The following GRM5 variants were observed in gnomAD, a reference collection of about 807,000 sequenced individuals.
The protein encoded by GRM5 is metabotropic glutamate receptor 5.
In GRM5, 19 loss-of-function variants were observed where a neutral mutation model predicts 83.1. That is an observed-to-expected ratio of 0.23 (90% CI 0.16 to 0.34). The LOEUF is 0.34. GRM5 is among the 10% of genes least tolerant of loss of function. The probability of loss-of-function intolerance (pLI) is 1.00; values close to 1 mark genes in which losing one functional copy is unlikely to be tolerated. For synonymous variants in GRM5, 675 were observed against 633.6 expected (o/e 1.07, Z -0.98); for missense variants, 1,160 against 1,588.3 (o/e 0.73, Z 4.58).
intron 4 of GRM5, among the ~76,000 whole-genome samples, chr11:88,633,489 A>C (rs1266305657): frequency 6.6e-6 from 1 of 152,154 alleles, no homozygotes; most frequent in East Asian, 1.9e-4. Flanking sequence ...TTTAGGTTTC[A>C]CATTTATATC....
At chr11:88,593,612 A>G (rs1009112130) in intron 6 of GRM5, among the ~76,000 whole-genome samples, 97 of 149,478 alleles carry the variant, frequency 6.5e-4, no homozygotes, top group African/African-American at 2.2e-3. Flanking sequence ...CGGGAGGCGG[A>G]GGTTGCAGTG....
At chr11:88,540,997 G>T (rs560401039) in intron 8 of GRM5, among the ~76,000 whole-genome samples, 1 of 151,896 alleles carries the variant, frequency 6.6e-6, no homozygotes, top group Admixed American at 6.6e-5. Context: ...TGATCCGCCC[G>T]CCTCGGCTTC....
intron 3 of GRM5, among the ~76,000 whole-genome samples, chr11:88,682,237 C>T (rs1361870933): frequency 6.6e-6 from 1 of 152,182 alleles, no homozygotes; most frequent in East Asian, 1.9e-4. Context: ...GACTCATCTA[C>T]TCTCTATGTA....
chr11:88,969,591 T>C (rs1182579953), intron 2 of GRM5, among the ~76,000 whole-genome samples: 1 of 152,100 alleles, frequency 6.6e-6, no homozygotes, highest in African/African-American at 2.4e-5. Flanking sequence ...ATATGTGATA[T>C]AAAGGTGTTA....
chr11:88,716,519 G>A (rs966569965), intron 3 of GRM5, among the ~76,000 whole-genome samples: 5 of 151,912 alleles, frequency 3.3e-5, no homozygotes, highest in African/African-American at 1.2e-4. Context: ...ATTCTATGTA[G>A]TGTGTGGGTG....
intron 2 of GRM5, among the ~76,000 whole-genome samples, chr11:88,878,245 A>T (rs4993327): frequency 2.0e-5 from 3 of 152,300 alleles, no homozygotes; most frequent in African/African-American, 7.2e-5. Context: ...TCCCTGGAGA[A>T]GACTCCAAAT....
chr11:88,993,384 C>G (rs1226767595), intron 2 of GRM5, among the ~76,000 whole-genome samples: 3 of 151,940 alleles, frequency 2.0e-5, no homozygotes, highest in Non-Finnish European at 4.4e-5. Context: ...TCTTGGTACC[C>G]TTATTAAAGA....
At chr11:88,866,665 G>A (rs552506822) in intron 2 of GRM5, among the ~76,000 whole-genome samples, 2 of 152,114 alleles carry the variant, frequency 1.3e-5, no homozygotes, top group South Asian at 2.1e-4. Context: ...AACATAATTT[G>A]TTAGAGTTTG....
intron 3 of GRM5, among the ~76,000 whole-genome samples, chr11:88,695,868 C>T (rs1257739508): frequency 5.9e-5 from 9 of 152,140 alleles, no homozygotes; most frequent in African/African-American, 4.8e-5. Flanking sequence ...CCCACCCCAT[C>T]GGCGTTGTCC....
chr11:89,064,888 C>G (rs3017238), intron 1 of GRM5, among the ~76,000 whole-genome samples: 9,322 of 61,784 alleles, frequency 0.15, 1,035 homozygotes, highest in African/African-American at 0.21. Flanking sequence ...CTCTCTCTCT[C>G]TGTGTGTGTG....
chr11:88,593,290 A>T (rs1937693557), intron 6 of GRM5, among the ~76,000 whole-genome samples: 1 of 152,204 alleles, frequency 6.6e-6, no homozygotes, highest in Non-Finnish European at 1.5e-5. Context: ...TTGTACATTT[A>T]ATAGAGTAAA....
chr11:88,665,709 G>A (rs1453193121), intron 3 of GRM5, among the ~76,000 whole-genome samples: 4 of 151,848 alleles, frequency 2.6e-5, no homozygotes, highest in Admixed American at 6.6e-5. Context: ...AATAGAAACT[G>A]AACAGCTACT....
At chr11:88,612,419 A>C (rs1249826753) in intron 4 of GRM5, among the ~76,000 whole-genome samples, 1 of 151,832 alleles carries the variant, frequency 6.6e-6, no homozygotes, top group African/African-American at 2.4e-5. Flanking sequence ...ATAATGCCGC[A>C]ATAAACATAC....
intron 3 of GRM5, among the ~76,000 whole-genome samples, chr11:88,745,690 T>G (rs1942122828): frequency 6.6e-6 from 1 of 152,224 alleles, no homozygotes; most frequent in East Asian, 1.9e-4. Context: ...TCTCTCTATT[T>G]AATTCCAACA....
chr11:88,895,051 G>A (rs187253912), intron 2 of GRM5, among the ~76,000 whole-genome samples: 2 of 151,866 alleles, frequency 1.3e-5, no homozygotes, highest in East Asian at 3.9e-4. Flanking sequence ...TGGTAACTCT[G>A]GATTAAAATA....
intron 3 of GRM5, among the ~76,000 whole-genome samples, chr11:88,763,019 A>G: frequency 6.6e-6 from 1 of 151,896 alleles, no homozygotes; most frequent in East Asian, 1.9e-4. Context: ...GGAGACTACC[A>G]GGGGTTGGAG....
intron 3 of GRM5, among the ~76,000 whole-genome samples, chr11:88,708,064 T>C (rs1367894024): frequency 3.3e-5 from 5 of 152,108 alleles, no homozygotes; most frequent in African/African-American, 7.2e-5. Flanking sequence ...AACTTAAATA[T>C]GTTTAAAGAA....
chr11:88,658,906 T>C (rs1939834922), intron 3 of GRM5, among the ~76,000 whole-genome samples: 2 of 152,120 alleles, frequency 1.3e-5, no homozygotes, highest in South Asian at 2.1e-4. Flanking sequence ...ATACAGGTAG[T>C]GGGGAACCAG....
chr11:89,049,256 G>C, intron 1 of GRM5, among the ~76,000 whole-genome samples: 1 of 152,156 alleles, frequency 6.6e-6, no homozygotes, highest in Non-Finnish European at 1.5e-5. Context: ...AGCTATGAAT[G>C]TCATCATCTA....
Sources: allele counts gnomAD v4.1 joint callset (sites outside exome capture counted in the v4.1 genomes callset), GRCh38; gene constraint gnomAD v4.1.1; transcripts MANE v1.5; gene names NCBI Gene and HGNC (gene_info 2026-07-23, HGNC 2026-07-21).